The following CDKL1 variants were observed in gnomAD, a reference collection of about 807,000 sequenced individuals.
CDKL1 encodes the protein cyclin-dependent kinase-like 1.
In CDKL1, 41 loss-of-function variants were observed where a neutral mutation model predicts 42.0. The observed-to-expected ratio is 0.98, with a 90% CI of 0.76 to 1.27. CDKL1 has a LOEUF of 1.27. Ranked by LOEUF, CDKL1 falls within the 50% of genes most tolerant of loss-of-function variation. The pLI is 0.00. For synonymous variants in CDKL1, 153 were observed against 158.6 expected (o/e 0.96, Z 0.26); for missense variants, 394 against 428.4 (o/e 0.92, Z 0.71).
chr14:50,330,305 C>A (rs2032867094), intron 9 of CDKL1, 124 bp from the exon 10 acceptor site: 2 of 1,219,940 alleles, frequency 1.6e-6, no homozygotes, highest in Non-Finnish European at 2.2e-6. Context: ...TGCACACAAT[C>A]CAGGACTTGA....
At chr14:50,351,811 C>T (rs942209655) in intron 3 of CDKL1, among the ~76,000 whole-genome samples, 8 of 150,790 alleles carry the variant, frequency 5.3e-5, no homozygotes, top group Non-Finnish European at 7.4e-5. Flanking sequence ...TAAAACAAGG[C>T]AAGTGTTAAT....
intron 2 of CDKL1, among the ~76,000 whole-genome samples, chr14:50,394,078 T>C (rs1221528017): frequency 6.6e-6 from 1 of 152,168 alleles, no homozygotes; most frequent in Non-Finnish European, 1.5e-5. Flanking sequence ...ATTGATAAAG[T>C]GTAGTGAGAG....
intron 4 of CDKL1, chr14:50,343,063 G>A (rs2033605873): frequency 7.6e-7 from 1 of 1,313,858 alleles, no homozygotes; most frequent in African/African-American, 1.6e-5. Flanking sequence ...GGTGATCTTA[G>A]AGAAAAGAAC....
At chr14:50,343,483 T>C (rs2033624806) in intron 4 of CDKL1, among the ~76,000 whole-genome samples, 1 of 152,200 alleles carries the variant, frequency 6.6e-6, no homozygotes, top group Admixed American at 6.5e-5. Flanking sequence ...GATCTGGTTC[T>C]TAGCAATTAA....
Position 50,353,561 on chromosome 14 carries a change from G to A in CDKL1, c.290+5467C>T, listed in dbSNP as rs1202104415. The stretch of plus-strand genomic sequence containing the variant: ...TCCTAAAGAAATATTTACGAAAATG[G>A]TTTTTCACTGTAGCATGGTTAGTAA... On this transcript the variant is annotated intron_variant, in intron 3 of 9. Coordinates refer to ENST00000395834, the MANE Select transcript of CDKL1 (RefSeq NM_004196.7). Among the ~76,000 whole-genome samples the A allele has an allele frequency of 2.0e-5, 3 of 152,216 alleles. No individual in the cohort carries two copies. The East Asian group carries it at 5.8e-4, about 29-fold the overall frequency.
At chr14:50,371,727 C>T (rs537069539) in intron 2 of CDKL1, among the ~76,000 whole-genome samples, 2 of 152,326 alleles carry the variant, frequency 1.3e-5, no homozygotes, top group African/African-American at 4.8e-5. Context: ...AGGAGCCCCA[C>T]CCTCCCAGGC....
intron 2 of CDKL1, chr14:50,362,226 C>T (rs1480584179): frequency 2.8e-6 from 1 of 359,770 alleles, no homozygotes; most frequent in South Asian, 1.9e-5. Flanking sequence ...ATCAGAACCG[C>T]CCCCTGCTCC....
chr14:50,357,921 T>A (rs2034104552), intron 3 of CDKL1: 1 of 512,454 alleles, frequency 2.0e-6, no homozygotes, highest in South Asian at 1.7e-5. Context: ...TGAAGAAGAA[T>A]TAGGGCTGGG....
intron 3 of CDKL1, among the ~76,000 whole-genome samples, chr14:50,347,982 G>A (rs1281629938): frequency 6.6e-6 from 1 of 152,180 alleles, no homozygotes; most frequent in African/African-American, 2.4e-5. Flanking sequence ...TAAGATGATG[G>A]ATTAAGCAAG....
intron 2 of CDKL1, among the ~76,000 whole-genome samples, chr14:50,370,954 T>C (rs1361106023): frequency 6.6e-6 from 1 of 152,174 alleles, no homozygotes; most frequent in Non-Finnish European, 1.5e-5. Flanking sequence ...ATCCAAACTA[T>C]ATCAATGAAT....
intron 2 of CDKL1, among the ~76,000 whole-genome samples, chr14:50,389,140 C>T (rs964989223): frequency 1.4e-5 from 2 of 144,760 alleles, no homozygotes; most frequent in African/African-American, 5.0e-5. Context: ...GAAAAGAAAA[C>T]TGAAGTCTCT....
chr14:50,367,993 C>G (rs936953086), intron 2 of CDKL1, among the ~76,000 whole-genome samples: 8 of 152,214 alleles, frequency 5.3e-5, no homozygotes, highest in African/African-American at 1.7e-4. Flanking sequence ...GGGTCTCACT[C>G]TGTCACCCAG....
At position 50,338,939 on chromosome 14, in the gene CDKL1, T is replaced by C. The variant is rs372665114; in HGVS notation, c.738+8A>G. On this transcript the variant is annotated splice_region_variant and intron_variant, in intron 7 of 9. Transcript: ENST00000395834. ...CCTACAGAGCTCTCTCCAAAATGGG[T>C]AACTCACCATATCTTCAGGGTCTGG... 92 of 1,583,122 alleles carry C rather than the reference T, an allele frequency of 5.8e-5. No individual in the cohort carries two copies. Among genetic ancestry groups the C allele is most frequent in the Admixed American group, 8.3e-5 (5 of 59,952 alleles).
chr14:50,389,923 A>G (rs3783412), intron 2 of CDKL1, among the ~76,000 whole-genome samples: 80,190 of 152,012 alleles, frequency 0.53, 22,023 homozygotes, highest in African/African-American at 0.68. Flanking sequence ...CTGTGTCTGC[A>G]TTCCAGCTTA....
At chr14:50,379,476 C>G (rs532210517) in intron 2 of CDKL1, among the ~76,000 whole-genome samples, 1 of 152,252 alleles carries the variant, frequency 6.6e-6, no homozygotes, top group South Asian at 2.1e-4. Context: ...GATGCTACCA[C>G]GGAACTAGGC....
Position 50,327,498 on chromosome 14 carries a change from C to T in CDKL1, c.*2576G>A, listed in dbSNP as rs2032753590. On this transcript the variant is annotated 3_prime_UTR_variant, in exon 10 of 10. Coordinates refer to ENST00000395834, the MANE Select transcript of CDKL1 (RefSeq NM_004196.7). ...TTTTTTTTTTTGAGACAGACTCTCA[C>T]TCTGTTGCCCAGGTTGGAGTGCAGT... The T allele has an allele frequency of 7.7e-6, 1 of 129,124 alleles. No individual in the cohort carries two copies. The highest frequency in any genetic ancestry group is 2.9e-5 in the African/African-American group (1 of 34,658). The allele number at this position is 129,124 out of a possible 1,614,324, so 8.0% of individuals were successfully genotyped here.
chr14:50,344,277 T>C lies in CDKL1; in HGVS notation c.363+709A>G, dbSNP rs562486983. On this transcript the variant is annotated intron_variant, in intron 4 of 9. Transcript: ENST00000395834. ...CAAAGCAGACACTGGCACTTTGCAC[T>C]GGGTTTGGGGTTCCACCTACTGCAA... Among the ~76,000 whole-genome samples, 7 of 152,272 alleles carry C rather than the reference T, an allele frequency of 4.6e-5. No homozygotes were observed. The South Asian group carries it at 8.3e-4, about 18-fold the overall frequency.
chr14:50,334,694 G>T, intron 7 of CDKL1, 73 bp from the exon 8 acceptor site: 2 of 962,230 alleles, frequency 2.1e-6, no homozygotes, highest in Non-Finnish European at 3.4e-6. Context: ...TAAATCTTTT[G>T]ATAGAAACAT....
At chr14:50,351,032 C>A (rs1294128195) in intron 3 of CDKL1, among the ~76,000 whole-genome samples, 1 of 152,076 alleles carries the variant, frequency 6.6e-6, no homozygotes, top group Non-Finnish European at 1.5e-5. Flanking sequence ...TTGTTTCACC[C>A]CCCAGGAACA....
Sources: allele counts gnomAD v4.1 joint callset (sites outside exome capture counted in the v4.1 genomes callset), GRCh38; gene constraint gnomAD v4.1.1; transcripts MANE v1.5; gene names NCBI Gene and HGNC (gene_info 2026-07-23, HGNC 2026-07-21).